Variants in OPCML observed in about 807,000 individuals in gnomAD.
OPCML encodes opioid binding protein/cell adhesion molecule like, also known as opioid-binding protein/cell adhesion molecule.
In OPCML, 13 loss-of-function variants were observed where a neutral mutation model predicts 37.8. The observed-to-expected ratio is 0.34, with a 90% CI of 0.22 to 0.55. The LOEUF (loss-of-function observed/expected upper bound fraction) is 0.55, where lower values mean the gene tolerates loss of function less well. Among genes scored for constraint, OPCML ranks in the 20% least tolerant of loss-of-function variants. The probability of loss-of-function intolerance (pLI) is 0.91; values close to 1 mark genes in which losing one functional copy is unlikely to be tolerated. For missense variants in OPCML, 341 were observed against 435.6 expected (o/e 0.78, Z 1.93); for synonymous variants, 176 against 168.8 (o/e 1.04, Z -0.33).
At chr11:133,006,751 C>T (rs1947121027) in intron 1 of OPCML, 1 of 985,332 alleles carries the variant, frequency 1.0e-6, no homozygotes, top group African/African-American at 1.7e-5. Flanking sequence ...AACACCTAGA[C>T]ATTGGCCTGA....
chr11:133,379,698 A>C (rs1328106955), intron 1 of OPCML, among the ~76,000 whole-genome samples: 1 of 152,218 alleles, frequency 6.6e-6, no homozygotes, highest in Non-Finnish European at 1.5e-5. Flanking sequence ...ATGTTCCATG[A>C]AATGTGAAAT....
intron 1 of OPCML, among the ~76,000 whole-genome samples, chr11:133,427,887 A>G (rs1160480909): frequency 6.6e-6 from 1 of 152,160 alleles, no homozygotes; most frequent in African/African-American, 2.4e-5. Flanking sequence ...ATATATATGT[A>G]AGCCCACACC....
chr11:133,117,829 C>T (rs905083215), intron 1 of OPCML: 1 of 983,550 alleles, frequency 1.0e-6, no homozygotes, highest in Non-Finnish European at 1.2e-6. Context: ...GGAATAATTA[C>T]AATAATACCA....
intron 3 of OPCML, among the ~76,000 whole-genome samples, chr11:132,531,515 C>G (rs1316843308): frequency 6.6e-6 from 1 of 152,174 alleles, no homozygotes; most frequent in Non-Finnish European, 1.5e-5. Flanking sequence ...TGAGACCTTA[C>G]AGGTAAGTCT....
At chr11:132,572,722 C>A (rs1029765860) in intron 3 of OPCML, among the ~76,000 whole-genome samples, 2 of 152,012 alleles carry the variant, frequency 1.3e-5, no homozygotes, top group Non-Finnish European at 2.9e-5. Context: ...ATTGATTGGT[C>A]TATTCCTAGT....
rs1001796298 is a variant in OPCML, at chr11:133,208,989, C to T, written c.62-265979G>A. Reference sequence around the variant, plus strand: ...AAAAATTACCTGAAATGCTGTCCTACATTCTCTTCACATGACCAATTCCTA... The same window carrying T: ...AAAAATTACCTGAAATGCTGTCCTATATTCTCTTCACATGACCAATTCCTA... On this transcript the variant is annotated intron_variant, in intron 1 of 7. Transcript: ENST00000524381. This position sits in a 1 kb window ranked among gnomAD's most constrained non-coding sequence, Gnocchi z 8.9. Among the ~76,000 whole-genome samples the T allele has an allele frequency of 1.2e-4, 19 of 152,276 alleles. No individual in the cohort carries two copies. Among genetic ancestry groups the T allele is most frequent in the Middle Eastern group, 6.8e-3 (2 of 294 alleles).
At chr11:132,624,492 C>T (rs1034844143) in intron 3 of OPCML, among the ~76,000 whole-genome samples, 1 of 152,198 alleles carries the variant, frequency 6.6e-6, no homozygotes, top group Non-Finnish European at 1.5e-5. Context: ...CCTCTACCGA[C>T]TCCTTCCATT....
chr11:132,689,304 T>C (rs941565038), intron 2 of OPCML, among the ~76,000 whole-genome samples: 4 of 152,224 alleles, frequency 2.6e-5, no homozygotes, highest in Non-Finnish European at 4.4e-5. Flanking sequence ...TGTTTTCTCA[T>C]TGATTTAAAA....
intron 1 of OPCML, among the ~76,000 whole-genome samples, chr11:133,049,707 C>T (rs369162029): frequency 3.3e-5 from 5 of 152,194 alleles, no homozygotes; most frequent in East Asian, 1.9e-4. Flanking sequence ...AACCCGTCAC[C>T]GTGCAGGACA....
At chr11:133,250,563 GGGAA>G (rs1487000352) in intron 1 of OPCML, among the ~76,000 whole-genome samples, 6 of 146,104 alleles carry the variant, frequency 4.1e-5, no homozygotes, top group Non-Finnish European at 6.0e-5. Flanking sequence ...GAAGGAGGGA[GGGAA>G]GGAAGGAAGA....
In OPCML at chr11:133,346,016, A is replaced by G. The variant is rs75553971; in HGVS notation, c.61+186248T>C. Among the ~76,000 whole-genome samples the G allele has an allele frequency of 1.6e-4, 25 of 152,308 alleles. No homozygotes were observed. In the East Asian group the frequency reaches 4.8e-3, roughly 29 times the overall value. ...GAAGATTTTACTAGAATAACCTAGA[A>G]TTTTATCTGCATTAGTGTAGTTCTT... On this transcript the variant is annotated intron_variant, in intron 1 of 7. Transcript: ENST00000524381.
intron 1 of OPCML, among the ~76,000 whole-genome samples, chr11:133,275,792 C>T (rs910359015): frequency 1.3e-5 from 2 of 152,210 alleles, no homozygotes; most frequent in Non-Finnish European, 2.9e-5. Context: ...CAGGAGTGGA[C>T]AGAGGGCATT....
At chr11:132,532,291 T>C (rs2096327914) in intron 3 of OPCML, among the ~76,000 whole-genome samples, 1 of 152,130 alleles carries the variant, frequency 6.6e-6, no homozygotes, top group East Asian at 1.9e-4. Context: ...TCTGTCATTG[T>C]CTCCAAGGAG....
chr11:133,252,435 G>T (rs1415925394), intron 1 of OPCML, among the ~76,000 whole-genome samples: 2 of 152,022 alleles, frequency 1.3e-5, no homozygotes, highest in Non-Finnish European at 2.9e-5. Context: ...AATTTCTGTT[G>T]CTTGGCGTTC....
intron 3 of OPCML, among the ~76,000 whole-genome samples, chr11:132,539,689 TG>T (rs1014957517): frequency 6.6e-6 from 1 of 151,986 alleles, no homozygotes; most frequent in African/African-American, 2.4e-5. Context: ...ATGGTGGTAA[TG>T]GTGATGTTGA....
At chr11:132,443,413 G>A (rs1252797896) in intron 4 of OPCML, among the ~76,000 whole-genome samples, 1 of 152,180 alleles carries the variant, frequency 6.6e-6, no homozygotes, top group Admixed American at 6.5e-5. Context: ...TGGGTTTCTG[G>A]GAAAACAAGA....
chr11:133,043,411 C>T (rs1947945810), intron 1 of OPCML, among the ~76,000 whole-genome samples: 1 of 152,214 alleles, frequency 6.6e-6, no homozygotes, highest in African/African-American at 2.4e-5. Context: ...CTCCACTCAT[C>T]AGCCCCTCTG....
chr11:132,880,404 T>C (rs1055394367), intron 2 of OPCML, among the ~76,000 whole-genome samples: 1 of 152,134 alleles, frequency 6.6e-6, no homozygotes, highest in Non-Finnish European at 1.5e-5. Context: ...CAGTATTTTA[T>C]TTTCCCCTAT....
chr11:133,321,563 G>C (rs2136622381), intron 1 of OPCML, among the ~76,000 whole-genome samples: 1 of 152,190 alleles, frequency 6.6e-6, no homozygotes, highest in East Asian at 1.9e-4. Context: ...GGCCTGAAAA[G>C]ACATTTTCAC....
Sources: allele counts gnomAD v4.1 joint callset (sites outside exome capture counted in the v4.1 genomes callset), GRCh38; gene constraint gnomAD v4.1.1; non-coding constraint Gnocchi (gnomAD v3.1); transcripts MANE v1.5; gene names NCBI Gene and HGNC (gene_info 2026-07-23, HGNC 2026-07-21).